CNTN5: variants seen among roughly 807,000 people sequenced by gnomAD.
CNTN5 encodes contactin 5, also known as contactin-5.
In CNTN5, 77 loss-of-function variants were observed where a neutral mutation model predicts 129.1. The observed-to-expected ratio is 0.60, with a 90% confidence interval of 0.50 to 0.72. CNTN5 has a LOEUF of 0.72. Ranked by LOEUF, CNTN5 falls within the 30% of genes least tolerant of loss-of-function variation. The probability of loss-of-function intolerance (pLI) is 0.00; values close to 1 mark genes in which losing one functional copy is unlikely to be tolerated. For missense variants in CNTN5, 1,478 were observed against 1,328.8 expected (o/e 1.11, Z -1.75); for synonymous variants, 509 against 465.6 (o/e 1.09, Z -1.20).
chr11:99,378,954 G>C lies in CNTN5; in HGVS notation c.-71+53470G>C, dbSNP rs181410525. On this transcript the variant is annotated intron_variant, in intron 2 of 24. Transcript: ENST00000524871. ...AGATAAGAGCAAGACATATCAATGA[G>C]ATAGTTTGACATGAATTCATAAGTC... 1.8e-3 allele frequency among the ~76,000 whole-genome samples: 281 copies of C among 152,112 alleles called. 2 individuals are homozygous for C. Among genetic ancestry groups the C allele is most frequent in the Middle Eastern group, 3.4e-3 (1 of 292 alleles).
At chr11:99,888,996 A>G (rs1188663554) in intron 6 of CNTN5, among the ~76,000 whole-genome samples, 1 of 134,774 alleles carries the variant, frequency 7.4e-6, no homozygotes, top group Non-Finnish European at 1.6e-5. Context: ...GGGTTCAGTT[A>G]TTTAATTTTC....
chr11:99,582,898 C>T (rs963151235), intron 3 of CNTN5, among the ~76,000 whole-genome samples: 1 of 152,204 alleles, frequency 6.6e-6, no homozygotes, highest in African/African-American at 2.4e-5. Context: ...AGGAGAGGCA[C>T]TCTGATTTTT....
At chr11:99,059,546 T>G (rs1230667329) in intron 1 of CNTN5, among the ~76,000 whole-genome samples, 1 of 152,212 alleles carries the variant, frequency 6.6e-6, no homozygotes, top group East Asian at 1.9e-4. Context: ...CTGAAAACAT[T>G]TGTAGAGCCC....
In CNTN5 at chr11:100,299,163, C is replaced by A; in HGVS notation, c.2387C>A (p.Pro796Gln). 3.2e-6 allele frequency: 5 copies of A among 1,572,380 alleles called. No homozygotes were observed. Among genetic ancestry groups the A allele is most frequent in the South Asian group, 1.2e-5 (1 of 86,244 alleles). ...RRHELVIAWE[P>Q]VSEEFQNGEG... is the part of the protein sequence containing the mutation. ...ATTAATTATATTTTTCTTCTTTAGC[C>A]AGTATCTGAAGAGTTTCAGAATGGG... Residue 796 changes from proline (P) to glutamine (Q), a missense_variant and splice_region_variant, in exon 20 of 25, where the codon CCA becomes CAA. By Grantham distance (76) the Pro-to-Gln change is moderately conservative. Coordinates refer to ENST00000524871, the MANE Select transcript of CNTN5 (RefSeq NM_014361.4).
chr11:100,191,156 G>T lies in CNTN5; in HGVS notation c.1611G>T (p.Arg537=). The T allele has an allele frequency of 1.9e-6, 3 of 1,609,874 alleles. No homozygotes were observed. The highest frequency in any genetic ancestry group is 8.5e-7 in the Non-Finnish European group (1 of 1,177,232). ...CTATTCTTCCAGACGGGAGTCTACG[G>T]ATCCTAAATGCTTCCAAATCAGACG... ...RIAILPDGSL[R]ILNASKSDEG... is the part of the protein sequence containing the mutation. The change falls in exon 14 of 25, where the codon CGG becomes CGT. Residue 537 remains arginine (R), a synonymous_variant. Coordinates refer to ENST00000524871, the MANE Select transcript of CNTN5 (RefSeq NM_014361.4).
At chr11:99,326,800 A>G (rs1245957667) in intron 2 of CNTN5, among the ~76,000 whole-genome samples, 1 of 152,180 alleles carries the variant, frequency 6.6e-6, no homozygotes, top group Non-Finnish European at 1.5e-5. Flanking sequence ...GAAACCTCAA[A>G]TCATGGGAAA....
Position 99,471,183 on chromosome 11 carries a change from C to T in CNTN5, c.-70-84962C>T, listed in dbSNP as rs114324841. Among the ~76,000 whole-genome samples, 1,102 of 151,518 alleles carry T rather than the reference C, an allele frequency of 7.3e-3. 20 individuals are homozygous for T. Among genetic ancestry groups the T allele is most frequent in the African/African-American group, 0.025 (1,026 of 41,300 alleles). On this transcript the variant is annotated intron_variant, in intron 2 of 24. Coordinates refer to ENST00000524871, the MANE Select transcript of CNTN5 (RefSeq NM_014361.4). ...AAACAAATTTTCTAATAAACATTTT[C>T]CTTAAACAGCAATAAAAGGTAACAC...
chr11:99,256,424 C>CTT (rs1862380568), intron 1 of CNTN5, among the ~76,000 whole-genome samples: 1 of 151,996 alleles, frequency 6.6e-6, no homozygotes, highest in Non-Finnish European at 1.5e-5. Context: ...GAGTGAAGAA[C>CTT]TATTACAGTT....
At chr11:99,065,043 G>T (rs1472437513) in intron 1 of CNTN5, among the ~76,000 whole-genome samples, 1 of 151,756 alleles carries the variant, frequency 6.6e-6, no homozygotes, top group Non-Finnish European at 1.5e-5. Flanking sequence ...TTTTAAAAAA[G>T]TTTGCTTTTT....
chr11:99,160,647 C>T (rs993952306), intron 1 of CNTN5, among the ~76,000 whole-genome samples: 5 of 152,168 alleles, frequency 3.3e-5, no homozygotes, highest in African/African-American at 1.2e-4. Flanking sequence ...ACAGTGCAGA[C>T]TTGCCATCTA....
intron 2 of CNTN5, among the ~76,000 whole-genome samples, chr11:99,373,064 C>T (rs111884204): frequency 2.2e-5 from 2 of 91,596 alleles, no homozygotes; most frequent in East Asian, 2.9e-4. Flanking sequence ...CAAAAATTAG[C>T]GGGGCATGGT....
chr11:99,298,492 G>A (rs1427485120), intron 1 of CNTN5, among the ~76,000 whole-genome samples: 2 of 152,114 alleles, frequency 1.3e-5, no homozygotes, highest in Non-Finnish European at 2.9e-5. Context: ...ATTAAGATAG[G>A]TTTTCGCATT....
chr11:99,072,726 A>C (rs1285930186), intron 1 of CNTN5, among the ~76,000 whole-genome samples: 5 of 152,150 alleles, frequency 3.3e-5, no homozygotes, highest in Non-Finnish European at 5.9e-5. Context: ...CTTTTTAAAA[A>C]ATTGAGATAT....
chr11:100,268,880 C>T (rs541413777), intron 17 of CNTN5, among the ~76,000 whole-genome samples: 1 of 152,164 alleles, frequency 6.6e-6, no homozygotes, highest in South Asian at 2.1e-4. Context: ...TGTCATTCCC[C>T]GTATAAGAAT....
At chr11:100,306,556 C>T (rs1031981432) in intron 20 of CNTN5, among the ~76,000 whole-genome samples, 14 of 151,670 alleles carry the variant, frequency 9.2e-5, no homozygotes, top group African/African-American at 2.4e-4. Flanking sequence ...GAATAGCAAA[C>T]GATATTCAAA....
chr11:99,538,431 A>T (rs80138480), intron 2 of CNTN5, among the ~76,000 whole-genome samples: 65 of 152,256 alleles, frequency 4.3e-4, no homozygotes, highest in African/African-American at 1.5e-3. Context: ...TATTAGCGCT[A>T]ATTATGAGAT....
At chr11:99,805,879 A>G (rs761925477) in intron 3 of CNTN5, among the ~76,000 whole-genome samples, 1 of 152,214 alleles carries the variant, frequency 6.6e-6, no homozygotes, top group Non-Finnish European at 1.5e-5. Flanking sequence ...TTGCATTGTC[A>G]TGAAATTAAA....
At chr11:99,612,059 T>G (rs1009011140) in intron 3 of CNTN5, among the ~76,000 whole-genome samples, 1 of 152,180 alleles carries the variant, frequency 6.6e-6, no homozygotes, top group Non-Finnish European at 1.5e-5. Context: ...ATCAATAACA[T>G]TACTCAGCAA....
chr11:100,342,013 A>G (rs1952172728), intron 23 of CNTN5, among the ~76,000 whole-genome samples: 1 of 152,038 alleles, frequency 6.6e-6, no homozygotes, highest in Admixed American at 6.6e-5. Flanking sequence ...AGAGATGGTA[A>G]CACAGTATTC....
Sources: gnomAD v4.1 joint callset for allele counts (sites outside exome capture counted in the v4.1 genomes callset) on GRCh38, gnomAD v4.1.1 for gene constraint, MANE v1.5 for transcripts, NCBI Gene and HGNC (gene_info 2026-07-23, HGNC 2026-07-21) for gene names.